Variants in ZCCHC7 observed in about 807,000 individuals in gnomAD.
ZCCHC7 encodes the protein zinc finger CCHC domain-containing protein 7.
ZCCHC7 carries 35 observed loss-of-function variants against 52.0 expected under a neutral mutation model. The observed-to-expected ratio is 0.67, with a 90% confidence interval of 0.51 to 0.89. The LOEUF is 0.89. Among genes scored for constraint, ZCCHC7 ranks in the 40% least tolerant of loss-of-function variants. ZCCHC7 has a pLI of 0.00. For synonymous variants in ZCCHC7, 217 were observed against 221.5 expected, an observed-to-expected ratio of 0.98 and a Z score of 0.18; for missense variants, 574 against 649.1, an observed-to-expected ratio of 0.88 and a Z score of 1.26.
chr9:37,147,473 T>C (rs916468007), intron 2 of ZCCHC7: 1 of 151,528 alleles, frequency 6.6e-6, no homozygotes, highest in Non-Finnish European at 1.5e-5. Context: ...TTCCATAAAA[T>C]TAAAAATAAG....
At chr9:37,231,905 G>A (rs1825425581) in intron 2 of ZCCHC7, among the ~76,000 whole-genome samples, 1 of 152,106 alleles carries the variant, frequency 6.6e-6, no homozygotes, top group African/African-American at 2.4e-5. Flanking sequence ...AAACAGGTAT[G>A]TTATTCTTAG....
chr9:37,130,040 A>AC (rs1447647335), intron 2 of ZCCHC7, among the ~76,000 whole-genome samples: 1 of 152,104 alleles, frequency 6.6e-6, no homozygotes, highest in Non-Finnish European at 1.5e-5. Context: ...GGAGTTCGAG[A>AC]CCAGCCTGGC....
At chr9:37,287,123 G>A (rs551253728) in intron 2 of ZCCHC7, among the ~76,000 whole-genome samples, 3 of 142,388 alleles carry the variant, frequency 2.1e-5, no homozygotes, top group East Asian at 2.0e-4. Context: ...TCTGCCTCCC[G>A]GGCTCTAGCA....
At chr9:37,347,000 A>C (rs955437124) in intron 6 of ZCCHC7, among the ~76,000 whole-genome samples, 1 of 152,144 alleles carries the variant, frequency 6.6e-6, no homozygotes, top group African/African-American at 2.4e-5. Flanking sequence ...TGTCCAAAAA[A>C]AAAATTAGTT....
intron 2 of ZCCHC7, among the ~76,000 whole-genome samples, chr9:37,268,862 A>G (rs1032843745): frequency 2.0e-5 from 3 of 152,330 alleles, no homozygotes; most frequent in East Asian, 1.9e-4. Flanking sequence ...CAACAAATGT[A>G]TTGAATACTA....
chr9:37,250,242 C>G (rs897308357), intron 2 of ZCCHC7, among the ~76,000 whole-genome samples: 29 of 151,806 alleles, frequency 1.9e-4, no homozygotes, highest in African/African-American at 7.0e-4. Context: ...CAGGGTTTCC[C>G]TAGTTTTATC....
intron 2 of ZCCHC7, among the ~76,000 whole-genome samples, chr9:37,176,016 C>G (rs1822005673): frequency 6.6e-6 from 1 of 152,158 alleles, no homozygotes; most frequent in Admixed American, 6.5e-5. Context: ...ATGGCAATTT[C>G]ATATGCTTCT....
chr9:37,315,257 G>A (rs1349076123), intron 5 of ZCCHC7, among the ~76,000 whole-genome samples: 1 of 152,024 alleles, frequency 6.6e-6, no homozygotes, highest in Non-Finnish European at 1.5e-5. Context: ...TCATCAGACT[G>A]GGATTGGGTT....
chr9:37,190,130 G>T (rs1203426996), intron 2 of ZCCHC7, among the ~76,000 whole-genome samples: 1 of 152,098 alleles, frequency 6.6e-6, no homozygotes, highest in Non-Finnish European at 1.5e-5. Context: ...AGAAGACAGA[G>T]AAAAAAATAA....
intron 2 of ZCCHC7, among the ~76,000 whole-genome samples, chr9:37,251,184 A>G (rs1327406982): frequency 1.3e-5 from 2 of 152,162 alleles, no homozygotes; most frequent in African/African-American, 4.8e-5. Flanking sequence ...ATTATGATTT[A>G]TTTATATTTT....
intron 2 of ZCCHC7, among the ~76,000 whole-genome samples, chr9:37,155,285 C>T (rs1028370316): frequency 4.7e-5 from 7 of 149,472 alleles, no homozygotes; most frequent in South Asian, 2.3e-4. Context: ...GGTGTGAACC[C>T]GGGAGGCAGA....
chr9:37,339,829 T>C (rs1830837466), intron 6 of ZCCHC7, among the ~76,000 whole-genome samples: 2 of 152,194 alleles, frequency 1.3e-5, no homozygotes, highest in South Asian at 4.1e-4. Flanking sequence ...ATTAGTGAAA[T>C]TGATTACATA....
chr9:37,294,156 G>A (rs1828669842), intron 2 of ZCCHC7, among the ~76,000 whole-genome samples: 1 of 152,126 alleles, frequency 6.6e-6, no homozygotes, highest in Admixed American at 6.6e-5. Flanking sequence ...ACAGAAAAAG[G>A]GAGCAGTTTC....
chr9:37,353,094 TAAAC>T (rs1442461078), intron 7 of ZCCHC7, among the ~76,000 whole-genome samples: 1 of 152,132 alleles, frequency 6.6e-6, no homozygotes, highest in Non-Finnish European at 1.5e-5. Context: ...AAGGTACTAA[TAAAC>T]AATGAGTGGA....
intron 2 of ZCCHC7, among the ~76,000 whole-genome samples, chr9:37,192,251 C>T (rs1016578804): frequency 2.0e-5 from 3 of 152,180 alleles, no homozygotes; most frequent in African/African-American, 4.8e-5. Context: ...TCAGTAACAG[C>T]AAGTGTTAAT....
At chr9:37,160,153 G>A (rs1166220179) in intron 2 of ZCCHC7, 1 of 152,194 alleles carries the variant, frequency 6.6e-6, no homozygotes, top group Non-Finnish European at 1.5e-5. Context: ...TCCGGGTGCA[G>A]TGGTGTTACA....
intron 2 of ZCCHC7, among the ~76,000 whole-genome samples, chr9:37,270,804 T>TAAA (rs146215816): frequency 0.031 from 4,598 of 146,590 alleles, 188 homozygotes; most frequent in African/African-American, 0.076. Flanking sequence ...TTTCCAGCAA[T>TAAA]AATAAAAAAA....
At chr9:37,259,782 A>T (rs1826776823) in intron 2 of ZCCHC7, among the ~76,000 whole-genome samples, 1 of 152,154 alleles carries the variant, frequency 6.6e-6, no homozygotes, top group African/African-American at 2.4e-5. Flanking sequence ...AAACCAAATG[A>T]CTTCATGACT....
intron 2 of ZCCHC7, among the ~76,000 whole-genome samples, chr9:37,198,735 T>A (rs1823424171): frequency 6.6e-6 from 1 of 152,176 alleles, no homozygotes; most frequent in African/African-American, 2.4e-5. Flanking sequence ...CAGTCTCTAG[T>A]ACAGTATCTT....
Sources: allele counts gnomAD v4.1 joint callset (sites outside exome capture counted in the v4.1 genomes callset), GRCh38; gene constraint gnomAD v4.1.1; transcripts MANE v1.5; gene names NCBI Gene and HGNC (gene_info 2026-07-23, HGNC 2026-07-21).